SHOX: variants seen among roughly 807,000 people sequenced by gnomAD.
SHOX encodes SHOX homeobox, also known as short stature homeobox protein.
In SHOX, 12 loss-of-function variants were observed where a neutral mutation model predicts 29.6. The ratio of observed to expected loss-of-function variants is 0.41; its 90% confidence interval spans 0.26 to 0.66. The LOEUF (loss-of-function observed/expected upper bound fraction) is 0.66. Ranked by LOEUF, SHOX falls within the 30% of genes least tolerant of loss-of-function variation. The probability of loss-of-function intolerance (pLI) is 0.35; values close to 1 mark genes in which losing one functional copy is unlikely to be tolerated. For synonymous variants in SHOX, 214 were observed against 200.6 expected, an observed-to-expected ratio of 1.07 and a Z score of -0.57; for missense variants, 499 against 437.7, an observed-to-expected ratio of 1.14 and a Z score of -1.25.
In SHOX at chrX:634,743, C is replaced by T; in HGVS notation, c.403C>T (p.Leu135Phe). 6.2e-7 allele frequency: 1 copy of T among 1,612,588 alleles called. No homozygotes were observed. Among genetic ancestry groups the T allele is most frequent in the Non-Finnish European group, 8.5e-7 (1 of 1,179,406 alleles). The change falls in exon 2 of 5, where the codon CTC (leucine) becomes TTC (phenylalanine). Residue 135 changes from leucine to phenylalanine, a missense_variant. Physicochemically the swap from Leu to Phe is conservative, Grantham distance 22. Coordinates refer to ENST00000686671, the MANE Select transcript of SHOX (RefSeq NM_000451.4). ...GGAGCAGCTGAACGAGCTCGAGCGA[C>T]TCTTCGACGAGACCCATTACCCCGA... ...TLEQLNELER[L>F]FDETHYPDAF...
At chrX:626,532 C>T (rs1424758482), upstream of SHOX, among the ~76,000 whole-genome samples, 3 of 43,290 alleles carry the variant, frequency 6.9e-5, no homozygotes, top group African/African-American at 4.5e-4. Context: ...CTCTCTGTGT[C>T]TCTACCTCTG....
chrX:650,792 T>TAAAAAAAAAAA lies in SHOX; in HGVS notation c.*6173_*6183dup, dbSNP rs1041655715. On this transcript the variant is annotated 3_prime_UTR_variant, in exon 5 of 5. Transcript: ENST00000686671. ...GGCTTTCGGTGGACACGTTTGACAT[T>TAAAAAAAAAAA]AAAAAAAAAAAAAAAAAAAAAAAAA... Among the ~76,000 whole-genome samples, 56 of 50,798 alleles carry TAAAAAAAAAAA rather than the reference T, an allele frequency of 1.1e-3. 8 individuals carry two copies. Among genetic ancestry groups the TAAAAAAAAAAA allele is most frequent in the East Asian group, 1.5e-3 (2 of 1,376 alleles). 33.3% of individuals were successfully genotyped at this position (50,798 alleles called of 152,430 possible).
chrX:634,032 C>T (rs934248372), intron 1 of SHOX, among the ~76,000 whole-genome samples: 5 of 152,236 alleles, frequency 3.3e-5, no homozygotes, highest in Admixed American at 1.3e-4. Flanking sequence ...GATTTCTGCG[C>T]ACGCGGTTCA....
At position 646,874 on chromosome X, in the gene SHOX, T is replaced by C. The variant is rs56243711; in HGVS notation, c.*2238T>C. 245 of 152,184 alleles carry C rather than the reference T, an allele frequency of 1.6e-3. No homozygotes were observed. The highest frequency in any genetic ancestry group is 5.7e-3 in the African/African-American group (235 of 41,544). The allele number at this position is 152,184 out of a possible 1,614,324, so 9.4% of individuals were successfully genotyped here. A position where few individuals can be genotyped will look rare whatever the true frequency, so the allele number is the denominator to read the frequency against. The stretch of plus-strand genomic sequence containing the variant: ...AAAAGAAGAATTGCATTTTGAATCT[T>C]TGGGAAGTAGGTTCATTCATCAGAG... On this transcript the variant is annotated 3_prime_UTR_variant, in exon 5 of 5. Transcript: ENST00000686671.
At chrX:630,304 C>CT (rs199803534), upstream of SHOX, among the ~76,000 whole-genome samples, 2 of 68,652 alleles carry the variant, frequency 2.9e-5, no homozygotes, top group Non-Finnish European at 7.4e-5. Context: ...CCGGGGCGCC[C>CT]GGATCCCCCC....
rs760092009 is a variant in SHOX at position 634,917 on chromosome X, C to T, written c.486+91C>T. 4.7e-4 allele frequency: 631 copies of T among 1,356,406 alleles called. 5 individuals carry two copies. The South Asian group carries it at 5.8e-3, about 12-fold the overall frequency. 84.0% of individuals were successfully genotyped at this position (1,356,406 alleles called of 1,614,324 possible). ...CGCGTACAGCCACCTGCGCCCGGGC[C>T]GCCGCCGTCCCCTTCCCGGAGCGCG... On this transcript the variant is annotated intron_variant, in intron 2 of 4. Coordinates refer to ENST00000686671, the MANE Select transcript of SHOX (RefSeq NM_000451.4).
At chrX:653,434 C>T (rs1029370033), downstream of SHOX, among the ~76,000 whole-genome samples, 3 of 152,002 alleles carry the variant, frequency 2.0e-5, no homozygotes, top group Non-Finnish European at 4.4e-5. Context: ...AGATCTTTTC[C>T]CTTAGAAATA....
At chrX:658,614 G>A (rs765519071) in intron 5 of SHOX, among the ~76,000 whole-genome samples, 99 of 151,826 alleles carry the variant, frequency 6.5e-4, no homozygotes, top group Non-Finnish European at 1.1e-3. Flanking sequence ...GGGACTACAG[G>A]CGCCCGCCAC....
rs1569495686 is a variant in SHOX at position 648,911 on chromosome X, T to TTC, written c.*4275_*4276insTC. On this transcript the variant is annotated 3_prime_UTR_variant, in exon 5 of 5. Transcript: ENST00000686671. Reference sequence around the variant, plus strand: ...CTTCTCCTTCCTTCCTTCCTTCCTTTCTTTCTTTTTCTTTCTTTCTCTCTT... The same window carrying TTC: ...CTTCTCCTTCCTTCCTTCCTTCCTTTTCCTTTCTTTTTCTTTCTTTCTCTCTT... 4.2e-4 allele frequency among the ~76,000 whole-genome samples: 53 copies of TTC among 127,414 alleles called. No individual in the cohort carries two copies. Among genetic ancestry groups the TTC allele is most frequent in the Admixed American group, 7.3e-4 (9 of 12,262 alleles). 83.6% of individuals were successfully genotyped at this position (127,414 alleles called of 152,430 possible). A position where few individuals can be genotyped will look rare whatever the true frequency, so the allele number is the denominator to read the frequency against.
Position 645,149 on chromosome X carries a change from C to G in SHOX, c.*513C>G, listed in dbSNP as rs1281285797. On this transcript the variant is annotated 3_prime_UTR_variant, in exon 5 of 5. Transcript: ENST00000686671. ...TGGATTTGAATGTGGACTTCGGAAT[C>G]CCAGGAGGCAGGGGCCGGGCTCTCC... 1 of 152,624 alleles carries G rather than the reference C, an allele frequency of 6.6e-6. No homozygotes were observed. Among genetic ancestry groups the G allele is most frequent in the African/African-American group, 2.4e-5 (1 of 41,448 alleles). 9.5% of individuals were successfully genotyped at this position (152,624 alleles called of 1,614,324 possible). A position where few individuals can be genotyped will look rare whatever the true frequency, so the allele number is the denominator to read the frequency against.
chrX:641,159 C>T (rs2052847243), intron 4 of SHOX, 72 bp downstream of exon 4: 5 of 1,420,932 alleles, frequency 3.5e-6, no homozygotes, highest in South Asian at 2.3e-5. Context: ...CTATTTGCTG[C>T]CGCATCCTGA....
At chrX:654,391 C>G (rs1245087079), downstream of SHOX, among the ~76,000 whole-genome samples, 1 of 151,894 alleles carries the variant, frequency 6.6e-6, no homozygotes. Flanking sequence ...CCTGCTGGTG[C>G]CTTCAAGAGA....
intron 5 of SHOX, among the ~76,000 whole-genome samples, chrX:658,619 C>T (rs1443203331): frequency 7.9e-5 from 12 of 151,384 alleles, no homozygotes; most frequent in South Asian, 4.2e-4. Context: ...TACAGGCGCC[C>T]GCCACCGCGC....
intron 4 of SHOX, 62 bp from the exon 5 acceptor site, chrX:644,329 G>A: frequency 2.0e-6 from 3 of 1,463,760 alleles, no homozygotes; most frequent in Non-Finnish European, 2.7e-6. Flanking sequence ...CGGGGGCGCG[G>A]GGCGGAGCAG....
At chrX:628,106 T>TCTC (rs965600173), upstream of SHOX, among the ~76,000 whole-genome samples, 1 of 92,130 alleles carries the variant, frequency 1.1e-5, no homozygotes, top group Non-Finnish European at 2.5e-5. Context: ...CCTCTCTGTG[T>TCTC]CTCTGCCTCT....
At chrX:632,624 C>T (rs1342399964) in intron 1 of SHOX, among the ~76,000 whole-genome samples, 1 of 152,170 alleles carries the variant, frequency 6.6e-6, no homozygotes, top group Non-Finnish European at 1.5e-5. Flanking sequence ...GTAGGAGGCA[C>T]CAGGCAGCTT....
In SHOX at chrX:648,375, C is replaced by A. The variant is rs1156689782; in HGVS notation, c.*3739C>A. On this transcript the variant is annotated 3_prime_UTR_variant, in exon 5 of 5. Coordinates refer to ENST00000686671, the MANE Select transcript of SHOX (RefSeq NM_000451.4). ...GAGTAGCTGGGATTACAGGCACCTG[C>A]CACCAGGCCTGGGTAATTTTTTTGC... 1.8e-4 allele frequency among the ~76,000 whole-genome samples: 27 copies of A among 152,200 alleles called. No individual in the cohort carries two copies. Among genetic ancestry groups the A allele is most frequent in the Admixed American group, 1.8e-3 (27 of 15,278 alleles).
At chrX:658,963 C>T (rs1355923352) in exon 6 of SHOX, 3 of 194,038 alleles carry the variant, frequency 1.5e-5, no homozygotes, top group East Asian at 3.2e-4. Context: ...TGGGGTTTGA[C>T]CATGTTGGCC....
upstream of SHOX, among the ~76,000 whole-genome samples, chrX:627,659 G>A (rs945345955): frequency 1.3e-5 from 2 of 148,180 alleles, no homozygotes; most frequent in Admixed American, 6.6e-5. Flanking sequence ...AGGCCGAGGG[G>A]CCTTGAATAG....
Sources: allele counts gnomAD v4.1 joint callset (sites outside exome capture counted in the v4.1 genomes callset), GRCh38; gene constraint gnomAD v4.1.1; transcripts MANE v1.5; gene names NCBI Gene and HGNC (gene_info 2026-07-23, HGNC 2026-07-21).